Variants in MOCS3 observed in about 807,000 individuals in gnomAD.
The protein encoded by MOCS3 is molybdenum cofactor synthesis 3.
MOCS3 carries 9 observed loss-of-function variants against 8.4 expected under a neutral mutation model. The ratio of observed to expected loss-of-function variants is 1.07; its 90% CI spans 0.65 to 1.87. MOCS3 has a LOEUF of 1.87. Among genes scored for constraint, MOCS3 ranks in the 40% most tolerant of loss-of-function variants. The pLI is 0.00. For missense variants in MOCS3, 581 were observed against 599.7 expected, an observed-to-expected ratio of 0.97 and a Z score of 0.33; for synonymous variants, 294 against 272.0, an observed-to-expected ratio of 1.08 and a Z score of -0.80.
rs1355982130 is a variant in MOCS3, at chr20:50,959,583, C to T, written c.741C>T (p.Val247=). The T allele has an allele frequency of 1.9e-6, 3 of 1,614,110 alleles. No homozygotes were observed. Among genetic ancestry groups the T allele is most frequent in the South Asian group, 2.2e-5 (2 of 91,080 alleles). The part of the protein sequence containing the change: ...TNCADGGVLG[V]VTGVLGCLQA... Reference sequence around the variant, plus strand: ...GCGCGGACGGCGGGGTGCTCGGTGTCGTTACCGGGGTCCTGGGCTGCCTGC... The same window carrying T: ...GCGCGGACGGCGGGGTGCTCGGTGTTGTTACCGGGGTCCTGGGCTGCCTGC... Residue 247 remains valine (V), a synonymous_variant, in exon 1 of 1, where the codon GTC becomes GTT. Transcript: ENST00000244051.
At position 50,960,412 on chromosome 20, in the gene MOCS3, A is replaced by T. The variant is rs1013421228; in HGVS notation, c.*187A>T. The stretch of plus-strand genomic sequence containing the variant: ...TGGATGAATGACTTATTAATGGATT[A>T]TACCGTTTCTGAGAACCATCATTTT... On this transcript the variant is annotated 3_prime_UTR_variant, in exon 1 of 1. Coordinates refer to ENST00000244051, the MANE Select transcript of MOCS3 (RefSeq NM_014484.5). The T allele has an allele frequency of 2.0e-5, 11 of 558,876 alleles. No individual in the cohort carries two copies. Among genetic ancestry groups the T allele is most frequent in the Non-Finnish European group, 3.0e-5 (10 of 333,596 alleles). The allele number at this position is 558,876 out of a possible 1,614,324, so 34.6% of individuals were successfully genotyped here.
Position 50,959,192 on chromosome 20 carries a change from T to G in MOCS3, c.350T>G (p.Val117Gly), listed in dbSNP as rs1987014895. The G allele has an allele frequency of 6.2e-7, 1 of 1,612,258 alleles. No individual in the cohort carries two copies. The highest frequency in any genetic ancestry group is 1.1e-5 in the South Asian group (1 of 91,070). Reference sequence around the variant, plus strand: ...CTTGGCCTTGTGGACTATGACGTGGTAGAGATGAGCAACCTGGCCCGCCAA... The same window carrying G: ...CTTGGCCTTGTGGACTATGACGTGGGAGAGATGAGCAACCTGGCCCGCCAA... ...GRLGLVDYDV[V>G]EMSNLARQVL... Residue 117 changes from valine (V) to glycine (G), a missense_variant, in exon 1 of 1, where the codon GTA becomes GGA. Coordinates refer to ENST00000244051, the MANE Select transcript of MOCS3 (RefSeq NM_014484.5).
Position 50,959,718 on chromosome 20 carries a change from C to T in MOCS3, c.876C>T (p.Ser292=), listed in dbSNP as rs1198102402. The T allele has an allele frequency of 3.1e-6, 5 of 1,614,144 alleles. No homozygotes were observed. Among genetic ancestry groups the T allele is most frequent in the Non-Finnish European group, 4.2e-6 (5 of 1,180,050 alleles). Residue 292 remains serine (S), a synonymous_variant, in exon 1 of 1, where the codon AGC becomes AGT. Coordinates refer to ENST00000244051, the MANE Select transcript of MOCS3 (RefSeq NM_014484.5). Reference sequence around the variant, plus strand: ...ATTTCCGCTCTATTCGGCTGCGGAGCCGCAGGCTCGACTGTGCAGCTTGCG... The same window carrying T: ...ATTTCCGCTCTATTCGGCTGCGGAGTCGCAGGCTCGACTGTGCAGCTTGCG... The part of the protein sequence containing the change: ...RGHFRSIRLR[S]RRLDCAACGE...
In MOCS3 at chr20:50,959,135, C is replaced by T. The variant is rs138898128; in HGVS notation, c.293C>T (p.Ala98Val). 40 of 1,612,988 alleles carry T rather than the reference C, an allele frequency of 2.5e-5. No homozygotes were observed. The highest frequency in any genetic ancestry group is 3.2e-5 in the Non-Finnish European group (38 of 1,179,944). ...VGCGGLGCPL[A>V]QYLAAAGVGR... ...TGCGGTGGGCTCGGCTGTCCACTAG[C>T]GCAGTACTTGGCAGCGGCCGGCGTG... Residue 98 changes from alanine (A) to valine (V), a missense_variant, in exon 1 of 1, where the codon GCG becomes GTG. Physicochemically the swap from Ala to Val is moderately conservative, Grantham distance 64. Transcript: ENST00000244051.
In MOCS3 at chr20:50,963,207, A is replaced by T. The variant is rs2426215; in HGVS notation, c.*2982A>T. 1 of 152,050 alleles carries T rather than the reference A, an allele frequency of 6.6e-6. No homozygotes were observed. Among genetic ancestry groups the T allele is most frequent in the African/African-American group, 2.4e-5 (1 of 41,384 alleles). The allele number at this position is 152,050 out of a possible 1,614,324, so 9.4% of individuals were successfully genotyped here. A position where few individuals can be genotyped will look rare whatever the true frequency, so the allele number is the denominator to read the frequency against. On this transcript the variant is annotated 3_prime_UTR_variant, in exon 1 of 1. Coordinates refer to ENST00000244051, the MANE Select transcript of MOCS3 (RefSeq NM_014484.5). ...TCCCAAAGTGCTTGGGATTACGGGT[A>T]TGAGGCACCATGCCCAGCCTGAACT...
In MOCS3 at chr20:50,961,214, C is replaced by A. The variant is rs1350830753; in HGVS notation, c.*989C>A. ...TTGACTTGCTTTGGAATTTTCAAGT[C>A]AAAGTCCCAACCCTTTGCCTCTCCC... is the stretch of plus-strand genomic sequence containing the variant. On this transcript the variant is annotated 3_prime_UTR_variant, in exon 1 of 1. Transcript: ENST00000244051. 1 of 167,104 alleles carries A rather than the reference C, an allele frequency of 6.0e-6. No individual in the cohort carries two copies. Among genetic ancestry groups the A allele is most frequent in the Non-Finnish European group, 1.5e-5 (1 of 68,128 alleles). The allele number at this position is 167,104 out of a possible 1,614,324, so 10.4% of individuals were successfully genotyped here. A position where few individuals can be genotyped will look rare whatever the true frequency, so the allele number is the denominator to read the frequency against.
Position 50,959,769 on chromosome 20 carries a change from G to C in MOCS3, c.927G>C (p.Leu309=). ...GGGAACGGCCCACTGTGACTGATCT[G>C]CTGGACTATGAAGCCTTCTGTGGCT... ...ACGERPTVTD[L]LDYEAFCGSS... The change falls in exon 1 of 1, where the codon CTG becomes CTC. Residue 309 remains leucine, a synonymous_variant. Coordinates refer to ENST00000244051, the MANE Select transcript of MOCS3 (RefSeq NM_014484.5). 1 of 1,614,256 alleles carries C rather than the reference G, an allele frequency of 6.2e-7. No homozygotes were observed. The highest frequency in any genetic ancestry group is 8.5e-7 in the Non-Finnish European group (1 of 1,180,046).
In MOCS3 at chr20:50,959,283, C is replaced by A; in HGVS notation, c.441C>A (p.Arg147=). The change falls in exon 1 of 1, where the codon CGC becomes CGA. Residue 147 remains arginine, a synonymous_variant. Transcript: ENST00000244051. The part of the protein sequence containing the change: ...KAFSAAASLR[R]LNSAVECVPY... ...TTTCGGCCGCCGCCTCGCTGCGCCGCCTCAATTCGGCAGTGGAATGCGTGC... is the reference window on the plus strand; with the variant it reads ...TTTCGGCCGCCGCCTCGCTGCGCCGACTCAATTCGGCAGTGGAATGCGTGC... The A allele has an allele frequency of 6.2e-7, 1 of 1,610,302 alleles. No individual in the cohort carries two copies. Among genetic ancestry groups the A allele is most frequent in the Non-Finnish European group, 8.5e-7 (1 of 1,179,396 alleles).
Position 50,959,486 on chromosome 20 carries a change from A to G in MOCS3, c.644A>G (p.Tyr215Cys), listed in dbSNP as rs775006587. The G allele has an allele frequency of 9.3e-6, 15 of 1,613,904 alleles. No homozygotes were observed. The highest frequency in any genetic ancestry group is 4.5e-5 in the East Asian group (2 of 44,888). The part of the protein sequence containing the change: ...ALRFEGQITV[Y>C]HYDGGPCYRC... ...CGCTTCGAGGGCCAAATCACAGTCT[A>G]CCATTATGACGGTGGCCCTTGCTAT... The change falls in exon 1 of 1, where the codon TAC (tyrosine) becomes TGC (cysteine). Residue 215 changes from tyrosine (Y) to cysteine (C), a missense_variant. Coordinates refer to ENST00000244051, the MANE Select transcript of MOCS3 (RefSeq NM_014484.5).
In MOCS3 at chr20:50,959,148, A is replaced by G. The variant is rs975729222; in HGVS notation, c.306A>G (p.Ala102=). 16 of 1,612,880 alleles carry G rather than the reference A, an allele frequency of 9.9e-6. No individual in the cohort carries two copies. Among genetic ancestry groups the G allele is most frequent in the Non-Finnish European group, 1.4e-5 (16 of 1,179,928 alleles). ...GCTGTCCACTAGCGCAGTACTTGGC[A>G]GCGGCCGGCGTGGGCCGCCTTGGCC... The part of the protein sequence containing the change: ...GLGCPLAQYL[A]AAGVGRLGLV... Residue 102 remains alanine, a synonymous_variant, in exon 1 of 1, where the codon GCA becomes GCG. Transcript: ENST00000244051.
Position 50,959,963 on chromosome 20 carries a change from C to G in MOCS3, c.1121C>G (p.Pro374Arg). The change falls in exon 1 of 1, where the codon CCT (proline) becomes CGT (arginine). Residue 374 changes from proline to arginine, a missense_variant. By Grantham distance (103) the Pro-to-Arg change is moderately radical. Coordinates refer to ENST00000244051, the MANE Select transcript of MOCS3 (RefSeq NM_014484.5). ...ICRLPHALHI[P>R]LKHLERRDAE... ...CGTTTGCCTCATGCCCTACACATCC[C>G]TCTGAAACATTTGGAACGCAGGGAT... 6.2e-7 allele frequency: 1 copy of G among 1,614,272 alleles called. No homozygotes were observed. Among genetic ancestry groups the G allele is most frequent in the Non-Finnish European group, 8.5e-7 (1 of 1,180,056 alleles).
rs1987077597 is a variant in MOCS3, at chr20:50,960,390, A to G, written c.*165A>G. The G allele has an allele frequency of 2.9e-6, 2 of 681,820 alleles. No homozygotes were observed. The highest frequency in any genetic ancestry group is 2.6e-5 in the South Asian group (1 of 38,054). The allele number at this position is 681,820 out of a possible 1,614,324, so 42.2% of individuals were successfully genotyped here. A position where few individuals can be genotyped will look rare whatever the true frequency, so the allele number is the denominator to read the frequency against. On this transcript the variant is annotated 3_prime_UTR_variant, in exon 1 of 1. Coordinates refer to ENST00000244051, the MANE Select transcript of MOCS3 (RefSeq NM_014484.5). Reference sequence around the variant, plus strand: ...AGTTTTAAAAATTGTTATGTATTGGATGAATGACTTATTAATGGATTATAC... The same window carrying G: ...AGTTTTAAAAATTGTTATGTATTGGGTGAATGACTTATTAATGGATTATAC...
chr20:50,958,855 G>A lies in MOCS3; in HGVS notation c.13G>A (p.Glu5Lys). The change falls in exon 1 of 1, where the codon GAG (glutamate) becomes AAG (lysine). Residue 5 changes from glutamate to lysine, a missense_variant. Coordinates refer to ENST00000244051, the MANE Select transcript of MOCS3 (RefSeq NM_014484.5). MASR[E>K]EVLALQAEVA... is the part of the protein sequence containing the mutation. ...GGAAGAGGTCGCCATGGCTTCCCGGGAGGAGGTACTCGCCTTACAAGCTGA... is the reference window on the plus strand; with the variant it reads ...GGAAGAGGTCGCCATGGCTTCCCGGAAGGAGGTACTCGCCTTACAAGCTGA... The A allele has an allele frequency of 6.3e-7, 1 of 1,590,916 alleles. No individual in the cohort carries two copies. The highest frequency in any genetic ancestry group is 8.6e-7 in the Non-Finnish European group (1 of 1,163,540).
Position 50,958,863 on chromosome 20 carries a change from A to G in MOCS3, c.21A>G (p.Val7=). The G allele has an allele frequency of 6.3e-7, 1 of 1,595,126 alleles. No homozygotes were observed. The highest frequency in any genetic ancestry group is 8.6e-7 in the Non-Finnish European group (1 of 1,166,068). The part of the protein sequence containing the change: MASREE[V]LALQAEVAQR... Reference sequence around the variant, plus strand: ...TCGCCATGGCTTCCCGGGAGGAGGTACTCGCCTTACAAGCTGAAGTTGCCC... The same window carrying G: ...TCGCCATGGCTTCCCGGGAGGAGGTGCTCGCCTTACAAGCTGAAGTTGCCC... The change falls in exon 1 of 1, where the codon GTA becomes GTG. Residue 7 remains valine (V), a synonymous_variant. Coordinates refer to ENST00000244051, the MANE Select transcript of MOCS3 (RefSeq NM_014484.5).
rs138144159 is a variant in MOCS3 at position 50,960,084 on chromosome 20, G to T, written c.1242G>T (p.Leu414=). The T allele has an allele frequency of 6.2e-7, 1 of 1,614,262 alleles. No individual in the cohort carries two copies. Among genetic ancestry groups the T allele is most frequent in the Admixed American group, 1.7e-5 (1 of 60,036 alleles). Residue 414 remains leucine, a synonymous_variant, in exon 1 of 1, where the codon CTG becomes CTT. Coordinates refer to ENST00000244051, the MANE Select transcript of MOCS3 (RefSeq NM_014484.5). ...TCCCCATTTATGTGATTTGCAAACT[G>T]GGAAATGACTCACAGAAAGCCGTGA... ...AAVPIYVICK[L]GNDSQKAVKI...
In MOCS3 at chr20:50,960,168, T is replaced by C. The variant is rs376384402; in HGVS notation, c.1326T>C (p.Val442=). The change falls in exon 1 of 1, where the codon GTT becomes GTC. Residue 442 remains valine (V), a synonymous_variant. Transcript: ENST00000244051. ...QELDPLTVRD[V]VGGLMAWAAK... is the part of the protein sequence containing the mutation. ...TAGACCCTTTAACAGTTCGGGATGT[T>C]GTGGGGGGCCTCATGGCCTGGGCTG... 5.0e-6 allele frequency: 8 copies of C among 1,614,160 alleles called. No homozygotes were observed. Among genetic ancestry groups the C allele is most frequent in the Non-Finnish European group, 6.8e-6 (8 of 1,180,014 alleles).
chr20:50,960,344 C>A lies in MOCS3; in HGVS notation c.*119C>A. The A allele has an allele frequency of 3.9e-6, 4 of 1,018,280 alleles. No individual in the cohort carries two copies. The highest frequency in any genetic ancestry group is 5.6e-6 in the Non-Finnish European group (4 of 717,650). 63.1% of individuals were successfully genotyped at this position (1,018,280 alleles called of 1,614,324 possible). A position where few individuals can be genotyped will look rare whatever the true frequency, so the allele number is the denominator to read the frequency against. ...GGGGATTCTACAGTATCTGTGAATACGTGGACTCCTTTTTATAAGGAGTTT... is the reference window on the plus strand; with the variant it reads ...GGGGATTCTACAGTATCTGTGAATAAGTGGACTCCTTTTTATAAGGAGTTT... On this transcript the variant is annotated 3_prime_UTR_variant, in exon 1 of 1. Coordinates refer to ENST00000244051, the MANE Select transcript of MOCS3 (RefSeq NM_014484.5).
Position 50,959,142 on chromosome 20 carries a change from C to T in MOCS3, c.300C>T (p.Tyr100=). 4 of 1,613,106 alleles carry T rather than the reference C, an allele frequency of 2.5e-6. No homozygotes were observed. Among genetic ancestry groups the T allele is most frequent in the Admixed American group, 1.7e-5 (1 of 60,030 alleles). Residue 100 remains tyrosine (Y), a synonymous_variant, in exon 1 of 1, where the codon TAC becomes TAT. Transcript: ENST00000244051. ...CGGLGCPLAQ[Y]LAAAGVGRLG... ...GGCTCGGCTGTCCACTAGCGCAGTA[C>T]TTGGCAGCGGCCGGCGTGGGCCGCC...
rs770659108 is a variant in MOCS3, at chr20:50,962,953, C to A, written c.*2728C>A. 1.3e-5 allele frequency: 2 copies of A among 152,164 alleles called. No homozygotes were observed. The highest frequency in any genetic ancestry group is 2.9e-5 in the Non-Finnish European group (2 of 68,036). 9.4% of individuals were successfully genotyped at this position (152,164 alleles called of 1,614,324 possible). On this transcript the variant is annotated 3_prime_UTR_variant, in exon 1 of 1. Coordinates refer to ENST00000244051, the MANE Select transcript of MOCS3 (RefSeq NM_014484.5). ...TGTTTTTTGAGACGAAGTCTTGCTTCGTCGCCCAGGGTGGAGTGTAGTGTT... is the reference window on the plus strand; with the variant it reads ...TGTTTTTTGAGACGAAGTCTTGCTTAGTCGCCCAGGGTGGAGTGTAGTGTT...
Sources: gnomAD v4.1 joint callset for allele counts on GRCh38, gnomAD v4.1.1 for gene constraint, MANE v1.5 for transcripts, NCBI Gene and HGNC (gene_info 2026-07-23, HGNC 2026-07-21) for gene names.